The following WDFY3 variants were observed in gnomAD, a reference collection of about 807,000 sequenced individuals.
WDFY3 encodes WD repeat and FYVE domain containing 3.
A neutral mutation model predicts 409.6 loss-of-function variants in WDFY3; 66 were observed. The ratio of observed to expected loss-of-function variants is 0.16; its 90% CI spans 0.13 to 0.20. The LOEUF (loss-of-function observed/expected upper bound fraction) is 0.20. WDFY3 is among the 10% of genes least tolerant of loss of function. The pLI, the probability that WDFY3 is intolerant of heterozygous loss-of-function variation, is 1.00. For synonymous variants in WDFY3, 1,521 were observed against 1,537.1 expected (o/e 0.99, Z 0.25); for missense variants, 3,031 against 4,298.1 (o/e 0.71, Z 8.24).
chr4:84,935,520 T>G (rs750298379), intron 1 of WDFY3, among the ~76,000 whole-genome samples: 5 of 152,318 alleles, frequency 3.3e-5, no homozygotes, highest in Non-Finnish European at 7.4e-5. Flanking sequence ...AAATGCCTAT[T>G]CATATATTTT....
At chr4:84,880,281 A>G (rs1000275049) in intron 3 of WDFY3, among the ~76,000 whole-genome samples, 3 of 152,122 alleles carry the variant, frequency 2.0e-5, no homozygotes, top group African/African-American at 7.2e-5. Flanking sequence ...GCCCTGCAAG[A>G]CCAGTTTTGG....
rs1259119012 is a variant in WDFY3 at position 84,753,551 on chromosome 4, CA to C, written c.5739+145del. The C allele has an allele frequency of 1.2e-5, 11 of 889,494 alleles. No homozygotes were observed. The Admixed American group carries it at 3.9e-4, about 31-fold the overall frequency. The allele number at this position is 889,494 out of a possible 1,614,324, so 55.1% of individuals were successfully genotyped here. A position where few individuals can be genotyped will look rare whatever the true frequency, so the allele number is the denominator to read the frequency against. The stretch of plus-strand genomic sequence containing the variant: ...GAGCTGGGGACACCGGACAATAATG[CA>C]AGAGGTGATGTATAAAGTTATGAAA... On this transcript the variant is annotated intron_variant, in intron 35 of 67. Coordinates refer to ENST00000295888, the MANE Select transcript of WDFY3 (RefSeq NM_014991.6).
intron 22 of WDFY3, among the ~76,000 whole-genome samples, chr4:84,789,498 T>C (rs560441198): frequency 6.6e-6 from 1 of 152,316 alleles, no homozygotes; most frequent in South Asian, 2.1e-4. Flanking sequence ...ACTTCTTTAG[T>C]ACCTATAAGC....
At chr4:84,679,821 C>CATATATATAT (rs370117920) in intron 64 of WDFY3, among the ~76,000 whole-genome samples, 1 of 144,062 alleles carries the variant, frequency 6.9e-6, no homozygotes, top group African/African-American at 2.6e-5. Flanking sequence ...GGATATTCTT[C>CATATATATAT]ATATATATAT....
At chr4:84,682,311 A>T in intron 64 of WDFY3, 63 bp downstream of exon 64, 2 of 1,493,338 alleles carry the variant, frequency 1.3e-6, no homozygotes, top group Non-Finnish European at 1.8e-6. Context: ...GTATAAGCTT[A>T]TCCACAGTGA....
chr4:84,844,036 T>C (rs1307289479), intron 5 of WDFY3, among the ~76,000 whole-genome samples: 2 of 152,142 alleles, frequency 1.3e-5, no homozygotes, highest in African/African-American at 2.4e-5. Flanking sequence ...TCAATACATA[T>C]AGTTAGAATG....
intron 1 of WDFY3, among the ~76,000 whole-genome samples, chr4:84,964,737 G>A (rs968548929): frequency 6.6e-6 from 1 of 151,300 alleles, no homozygotes; most frequent in Non-Finnish European, 1.5e-5. Context: ...GCCCAGGCTG[G>A]TCTCTAACTC....
intron 2 of WDFY3, among the ~76,000 whole-genome samples, chr4:84,919,357 G>A (rs893065300): frequency 4.6e-5 from 7 of 152,124 alleles, no homozygotes; most frequent in African/African-American, 1.4e-4. Flanking sequence ...AGTAAAGATT[G>A]ATTCAAGCAA....
At chr4:84,915,263 C>T (rs1298916733) in intron 2 of WDFY3, among the ~76,000 whole-genome samples, 1 of 151,960 alleles carries the variant, frequency 6.6e-6, no homozygotes, top group Non-Finnish European at 1.5e-5. Context: ...TGATGGTTAC[C>T]CAACATCCTG....
rs1465240839 is a variant in WDFY3 at position 84,860,409 on chromosome 4, T to A, written c.180+3A>T. Reference sequence around the variant, plus strand: ...AGGTGTGTGTCTGGCAACCTGGACTTACCCTGTTAAACACTGGCAGCATCA... The same window carrying A: ...AGGTGTGTGTCTGGCAACCTGGACTAACCCTGTTAAACACTGGCAGCATCA... On this transcript the variant is annotated splice_donor_region_variant and intron_variant, in intron 4 of 67. Coordinates refer to ENST00000295888, the MANE Select transcript of WDFY3 (RefSeq NM_014991.6). 2 of 1,610,148 alleles carry A rather than the reference T, an allele frequency of 1.2e-6. No homozygotes were observed.
intron 32 of WDFY3, among the ~76,000 whole-genome samples, chr4:84,762,044 A>G (rs1742714869): frequency 6.6e-6 from 1 of 152,214 alleles, no homozygotes. Context: ...CCATTGTGGA[A>G]GTCAGTGTGG....
chr4:84,948,284 G>T (rs529776765), intron 1 of WDFY3, among the ~76,000 whole-genome samples: 1 of 152,166 alleles, frequency 6.6e-6, no homozygotes, highest in Non-Finnish European at 1.5e-5. Flanking sequence ...ATTTACTTCA[G>T]TGTGTAAGTT....
At chr4:84,840,744 T>C (rs62728060) in intron 6 of WDFY3, among the ~76,000 whole-genome samples, 1 of 134,262 alleles carries the variant, frequency 7.4e-6, no homozygotes, top group African/African-American at 2.6e-5. Context: ...GCTCAGCTAA[T>C]TTTTTTTTTT....
intron 67 of WDFY3, among the ~76,000 whole-genome samples, chr4:84,673,558 C>A (rs1297059079): frequency 6.6e-6 from 1 of 152,162 alleles, no homozygotes; most frequent in Non-Finnish European, 1.5e-5. Flanking sequence ...ACTCTTTAAT[C>A]ATTTCTTAAA....
chr4:84,794,391 T>C (rs558342339), intron 21 of WDFY3, 128 bp downstream of exon 21: 226 of 949,012 alleles, frequency 2.4e-4, no homozygotes, highest in Non-Finnish European at 3.1e-4. Context: ...CAATGTTTTA[T>C]GTAACTTGTT....
intron 2 of WDFY3, among the ~76,000 whole-genome samples, chr4:84,919,775 T>C (rs1769022538): frequency 6.6e-6 from 1 of 152,218 alleles, no homozygotes; most frequent in African/African-American, 2.4e-5. Flanking sequence ...CATGTGGAAC[T>C]GTGAGTCAAT....
chr4:84,864,596 C>T (rs11723818), intron 3 of WDFY3, among the ~76,000 whole-genome samples: 5,067 of 152,142 alleles, frequency 0.033, 131 homozygotes, highest in Non-Finnish European at 0.055. Context: ...TTTATTTCTA[C>T]GAATTGCAGT....
chr4:84,793,077 TTAG>T (rs1474191941), intron 21 of WDFY3, among the ~76,000 whole-genome samples: 1 of 152,174 alleles, frequency 6.6e-6, no homozygotes, highest in African/African-American at 2.4e-5. Flanking sequence ...ACAGTAAGAC[TTAG>T]TAGAAAGGGT....
intron 2 of WDFY3, among the ~76,000 whole-genome samples, chr4:84,901,616 T>C (rs1766354927): frequency 6.6e-6 from 1 of 152,150 alleles, no homozygotes; most frequent in Admixed American, 6.5e-5. Context: ...GGCCATTACA[T>C]TTCAACACCT....
Sources: allele counts gnomAD v4.1 joint callset (sites outside exome capture counted in the v4.1 genomes callset), GRCh38; gene constraint gnomAD v4.1.1; transcripts MANE v1.5; gene names NCBI Gene and HGNC (gene_info 2026-07-23, HGNC 2026-07-21).